CAMK1D: variants seen among roughly 807,000 people sequenced by gnomAD.
The protein encoded by CAMK1D is calcium/calmodulin dependent protein kinase ID.
A neutral mutation model predicts 47.7 loss-of-function variants in CAMK1D; 9 were observed. That is an observed-to-expected ratio of 0.19 (90% CI 0.11 to 0.33). The LOEUF is 0.33. CAMK1D is among the 10% of genes least tolerant of loss of function. The pLI is 1.00. For synonymous variants in CAMK1D, 184 were observed against 184.9 expected (o/e 0.99, Z 0.04); for missense variants, 291 against 488.7 (o/e 0.60, Z 3.81).
chr10:12,586,638 T>C (rs1837826971), intron 2 of CAMK1D, among the ~76,000 whole-genome samples: 1 of 152,094 alleles, frequency 6.6e-6, no homozygotes, highest in Non-Finnish European at 1.5e-5. Flanking sequence ...TAAGTTGCTG[T>C]GTCCCGAGCT....
chr10:12,401,236 TTTTATATATATA>T lies in CAMK1D; in HGVS notation c.92+51328_92+51339del, dbSNP rs1839197420. On this transcript the variant is annotated intron_variant, in intron 1 of 10. Transcript: ENST00000619168. ...ATGTATTATATATATTATATATATA[TTTTATATATATA>T]TAATATATGTATTATATATATTATG... Among the ~76,000 whole-genome samples, 5 of 38,122 alleles carry T rather than the reference TTTTATATATATA, an allele frequency of 1.3e-4. 2 individuals carry two copies. In the South Asian group the frequency reaches 3.4e-3, roughly 26 times the overall value. 25.0% of individuals were successfully genotyped at this position (38,122 alleles called of 152,430 possible).
chr10:12,760,720 T>G (rs2243554), intron 3 of CAMK1D: 10,621 of 488,292 alleles, frequency 0.022, 529 homozygotes, highest in African/African-American at 0.13. Flanking sequence ...GTGTGGCTGG[T>G]CCGTGGATCG....
intron 1 of CAMK1D, among the ~76,000 whole-genome samples, chr10:12,362,741 A>G (rs1588405508): frequency 6.6e-6 from 1 of 150,602 alleles, no homozygotes; most frequent in Non-Finnish European, 1.5e-5. Flanking sequence ...CGATCTCCTG[A>G]CCTCCTGATC....
intron 3 of CAMK1D, among the ~76,000 whole-genome samples, chr10:12,723,064 G>A (rs1041954346): frequency 1.3e-5 from 2 of 152,142 alleles, no homozygotes; most frequent in Non-Finnish European, 1.5e-5. Context: ...AACACCACAT[G>A]GGGAAAAGAA....
At chr10:12,541,758 G>T (rs1836187448) in intron 1 of CAMK1D, among the ~76,000 whole-genome samples, 1 of 152,126 alleles carries the variant, frequency 6.6e-6, no homozygotes, top group African/African-American at 2.4e-5. Context: ...TTCTGATCTG[G>T]AACAATAGGT....
intron 3 of CAMK1D, among the ~76,000 whole-genome samples, chr10:12,685,524 C>G (rs1357333429): frequency 6.6e-6 from 1 of 152,182 alleles, no homozygotes; most frequent in Non-Finnish European, 1.5e-5. Flanking sequence ...CAAAGATATG[C>G]CTTCCTAAGA....
chr10:12,682,963 C>T (rs1209164241), intron 3 of CAMK1D, among the ~76,000 whole-genome samples: 6 of 151,748 alleles, frequency 4.0e-5, no homozygotes, highest in Admixed American at 6.6e-5. Flanking sequence ...TCTCTATCTC[C>T]TAGGCTGGAA....
At chr10:12,733,882 C>T (rs773909961) in intron 3 of CAMK1D, among the ~76,000 whole-genome samples, 29 of 152,228 alleles carry the variant, frequency 1.9e-4, no homozygotes, top group Middle Eastern at 3.4e-3. Flanking sequence ...TATGTATACT[C>T]ATTTTCTAAA....
At chr10:12,445,601 A>T (rs529501881) in intron 1 of CAMK1D, among the ~76,000 whole-genome samples, 181 of 152,244 alleles carry the variant, frequency 1.2e-3, no homozygotes, top group African/African-American at 4.1e-3. Flanking sequence ...TAGACTGGAA[A>T]CTTTCCCAAG....
At chr10:12,748,071 C>G (rs758347848) in intron 3 of CAMK1D, among the ~76,000 whole-genome samples, 8 of 152,206 alleles carry the variant, frequency 5.3e-5, no homozygotes, top group Non-Finnish European at 1.2e-4. Context: ...CGGCGCCAGT[C>G]AGAGGATGCA....
intron 1 of CAMK1D, among the ~76,000 whole-genome samples, chr10:12,397,152 G>C (rs1386591307): frequency 6.6e-6 from 1 of 152,204 alleles, no homozygotes; most frequent in East Asian, 1.9e-4. Flanking sequence ...TTTTCTATGA[G>C]CTTTGGTGCC....
At chr10:12,668,621 G>A (rs988198186) in intron 3 of CAMK1D, among the ~76,000 whole-genome samples, 3 of 152,196 alleles carry the variant, frequency 2.0e-5, no homozygotes, top group African/African-American at 7.2e-5. Flanking sequence ...TAGGTCTTCA[G>A]TACACGTGGT....
chr10:12,626,485 T>TC (rs971868994), intron 2 of CAMK1D, among the ~76,000 whole-genome samples: 9 of 151,010 alleles, frequency 6.0e-5, no homozygotes, highest in African/African-American at 2.2e-4. Context: ...CTTTTTTTTT[T>TC]TTTTTTGAGA....
At chr10:12,787,578 G>A (rs1377722524) in intron 5 of CAMK1D, among the ~76,000 whole-genome samples, 1 of 152,216 alleles carries the variant, frequency 6.6e-6, no homozygotes. Context: ...CATCCGCCGG[G>A]TCTTTGCTCA....
intron 1 of CAMK1D, among the ~76,000 whole-genome samples, chr10:12,396,499 T>C (rs1242628352): frequency 6.6e-6 from 1 of 152,214 alleles, no homozygotes; most frequent in Non-Finnish European, 1.5e-5. Context: ...TGCCATATGC[T>C]GTGGGGGAAA....
chr10:12,638,996 G>A (rs747121237), intron 2 of CAMK1D, among the ~76,000 whole-genome samples: 1 of 152,294 alleles, frequency 6.6e-6, no homozygotes, highest in Middle Eastern at 3.4e-3. Context: ...CTTCGTGAGG[G>A]CGGGAACCTC....
At chr10:12,728,787 G>C (rs889651031) in intron 3 of CAMK1D, among the ~76,000 whole-genome samples, 1 of 152,204 alleles carries the variant, frequency 6.6e-6, no homozygotes, top group African/African-American at 2.4e-5. Flanking sequence ...GGAGACTGCT[G>C]CTGGTGTCTG....
intron 3 of CAMK1D, among the ~76,000 whole-genome samples, chr10:12,743,987 C>T (rs189731168): frequency 2.0e-5 from 3 of 150,796 alleles, no homozygotes; most frequent in Admixed American, 6.6e-5. Flanking sequence ...CCGGCCACTG[C>T]ACTCCAGCCT....
At chr10:12,785,822 G>A (rs1257027924) in intron 5 of CAMK1D, among the ~76,000 whole-genome samples, 1 of 152,204 alleles carries the variant, frequency 6.6e-6, no homozygotes, top group African/African-American at 2.4e-5. Flanking sequence ...CACCACAGCT[G>A]AAACAAGAAA....
Sources: gnomAD v4.1 joint callset for allele counts (sites outside exome capture counted in the v4.1 genomes callset) on GRCh38, gnomAD v4.1.1 for gene constraint, MANE v1.5 for transcripts, NCBI Gene and HGNC (gene_info 2026-07-23, HGNC 2026-07-21) for gene names.